GLUD1: variants seen among roughly 807,000 people sequenced by gnomAD.
GLUD1 encodes the protein glutamate dehydrogenase 1, mitochondrial.
Under a neutral mutation model 56.0 loss-of-function variants are expected in GLUD1, and 22 were observed. The ratio of observed to expected loss-of-function variants is 0.39; its 90% CI spans 0.28 to 0.56. GLUD1 has a LOEUF of 0.56. GLUD1 is among the 20% of genes least tolerant of loss of function. The pLI, the probability that GLUD1 is intolerant of heterozygous loss-of-function variation, is 0.58. For missense variants in GLUD1, 451 were observed against 732.0 expected (o/e 0.62, Z 4.43); for synonymous variants, 223 against 269.9 (o/e 0.83, Z 1.70).
chr10:87,079,819 C>T (rs962858577), intron 1 of GLUD1, among the ~76,000 whole-genome samples: 6 of 152,066 alleles, frequency 3.9e-5, no homozygotes, highest in Non-Finnish European at 8.8e-5. Flanking sequence ...ACTTAATAAA[C>T]CTTGGTTTCA....
At position 87,094,778 on chromosome 10, in the gene GLUD1, G is replaced by A. The variant is rs1300670632; in HGVS notation, c.-9C>T. 2 of 1,531,976 alleles carry A rather than the reference G, an allele frequency of 1.3e-6. No homozygotes were observed. The highest frequency in any genetic ancestry group is 1.2e-5 in the South Asian group (1 of 85,534). The allele number at this position is 1,531,976 out of a possible 1,614,324, so 94.9% of individuals were successfully genotyped here. A position where few individuals can be genotyped will look rare whatever the true frequency, so the allele number is the denominator to read the frequency against. On this transcript the variant is annotated 5_prime_UTR_variant, in exon 1 of 13. Transcript: ENST00000277865. This position sits in a 1 kb window ranked among gnomAD's most constrained non-coding sequence, Gnocchi z 6.6. ...CCCAGGTAGCGGTACATGGCCACAA[G>A]CGGAGGGGAGGTGCGTGATGGTCGC...
intron 1 of GLUD1, among the ~76,000 whole-genome samples, chr10:87,077,015 G>T (rs536020030): frequency 2.0e-5 from 3 of 151,852 alleles, no homozygotes; most frequent in South Asian, 2.1e-4. Flanking sequence ...CTTTTTTTTG[G>T]GGGGGTAGGG....
At chr10:87,087,337 ACTCCAGCCAT>A (rs1175937910) in intron 1 of GLUD1, among the ~76,000 whole-genome samples, 1 of 151,756 alleles carries the variant, frequency 6.6e-6, no homozygotes, top group Non-Finnish European at 1.5e-5. Flanking sequence ...CTCTCCCCAT[ACTCCAGCCAT>A]CAGTTAGGGT....
At chr10:87,077,893 G>A (rs906320392) in intron 1 of GLUD1, among the ~76,000 whole-genome samples, 1 of 152,002 alleles carries the variant, frequency 6.6e-6, no homozygotes, top group Non-Finnish European at 1.5e-5. Context: ...GGAGTCACAA[G>A]TAAGTAATGG....
In GLUD1 at chr10:87,060,992, T is replaced by C. The variant is rs1171003660; in HGVS notation, c.982A>G (p.Ile328Val). Reference sequence around the variant, plus strand: ...CTCCCATCAGACTCACCAACAGCAATACATTTAGCACCAAAACGATGTAAA... The same window carrying C: ...CTCCCATCAGACTCACCAACAGCAACACATTTAGCACCAAAACGATGTAAA... The part of the protein sequence containing the change: ...RYLHRFGAKC[I>V]AVGESDGSIW... Residue 328 changes from isoleucine to valine, a missense_variant, in exon 7 of 13, where the codon ATT (isoleucine) becomes GTT (valine). Physicochemically the swap from Ile to Val is conservative, Grantham distance 29. Around this residue, in one of 4 missense-constraint regions of GLUD1, gnomAD observed 248 missense variants for 460.0 expected, o/e 0.54. Transcript: ENST00000277865. 2 of 1,613,926 alleles carry C rather than the reference T, an allele frequency of 1.2e-6. No homozygotes were observed. Among genetic ancestry groups the C allele is most frequent in the Admixed American group, 1.7e-5 (1 of 60,012 alleles).
chr10:87,051,658 G>C lies in GLUD1; in HGVS notation c.*93C>G, dbSNP rs930312036. 1 of 1,361,878 alleles carries C rather than the reference G, an allele frequency of 7.3e-7. No individual in the cohort carries two copies. The highest frequency in any genetic ancestry group is 1.4e-5 in the African/African-American group (1 of 70,180). The allele number at this position is 1,361,878 out of a possible 1,614,324, so 84.4% of individuals were successfully genotyped here. Reference sequence around the variant, plus strand: ...GGTATCCATTATTAATGAGTCAGGAGAGAAAGGGATTTCTGTGGTTACATG... The same window carrying C: ...GGTATCCATTATTAATGAGTCAGGACAGAAAGGGATTTCTGTGGTTACATG... On this transcript the variant is annotated 3_prime_UTR_variant, in exon 13 of 13. Coordinates refer to ENST00000277865, the MANE Select transcript of GLUD1 (RefSeq NM_005271.5).
intron 4 of GLUD1, among the ~76,000 whole-genome samples, chr10:87,071,337 T>C (rs1024896213): frequency 7.3e-5 from 11 of 151,616 alleles, no homozygotes; most frequent in Non-Finnish European, 2.9e-5. Flanking sequence ...GGATTACAGG[T>C]ACCTGCCTGG....
At chr10:87,054,672 C>T (rs1371428686) in intron 11 of GLUD1, among the ~76,000 whole-genome samples, 2 of 152,000 alleles carry the variant, frequency 1.3e-5, no homozygotes, top group East Asian at 3.9e-4. Context: ...AGGAGGTTTG[C>T]TCTACAGGAA....
rs969409641 is a variant in GLUD1, at chr10:87,080,084, C to T, written c.446-3428G>A. Reference sequence around the variant, plus strand: ...TGCCGAGTGCCTGCGATTGCAGGCGCGCGCCGCCACGCCTGACTGGTTTTC... The same window carrying T: ...TGCCGAGTGCCTGCGATTGCAGGCGTGCGCCGCCACGCCTGACTGGTTTTC... On this transcript the variant is annotated intron_variant, in intron 1 of 12. Coordinates refer to ENST00000277865, the MANE Select transcript of GLUD1 (RefSeq NM_005271.5). Among the ~76,000 whole-genome samples the T allele has an allele frequency of 1.6e-3, 242 of 151,888 alleles. 1 individual carries two copies. The highest frequency in any genetic ancestry group is 2.7e-3 in the Non-Finnish European group (185 of 67,920).
At chr10:87,067,876 G>A (rs1367728656) in intron 5 of GLUD1, 187 bp downstream of exon 5, 6 of 589,828 alleles carry the variant, frequency 1.0e-5, no homozygotes, top group Admixed American at 9.2e-5. Context: ...CAGCATATAA[G>A]TAAAGCTCAA....
intron 11 of GLUD1, among the ~76,000 whole-genome samples, chr10:87,056,693 C>T (rs1845784820): frequency 6.6e-6 from 1 of 152,018 alleles, no homozygotes; most frequent in Admixed American, 6.6e-5. Context: ...TGTCATAGCA[C>T]CAAAGGGCAG....
At chr10:87,062,031 C>T (rs1458057697) in intron 6 of GLUD1, among the ~76,000 whole-genome samples, 3 of 152,186 alleles carry the variant, frequency 2.0e-5, no homozygotes, top group Non-Finnish European at 2.9e-5. Flanking sequence ...ATCTGCCCAC[C>T]TTGGCCTCCC....
chr10:87,094,237 T>C lies in GLUD1; in HGVS notation c.445+88A>G, dbSNP rs930432789. 1 of 1,496,650 alleles carries C rather than the reference T, an allele frequency of 6.7e-7. No homozygotes were observed. 92.7% of individuals were successfully genotyped at this position (1,496,650 alleles called of 1,614,324 possible). A position where few individuals can be genotyped will look rare whatever the true frequency, so the allele number is the denominator to read the frequency against. On this transcript the variant is annotated intron_variant, in intron 1 of 12. Coordinates refer to ENST00000277865, the MANE Select transcript of GLUD1 (RefSeq NM_005271.5). The surrounding 1 kb of genome is among the most constrained non-coding windows in gnomAD (Gnocchi z 6.6). ...CCGCTCCAGCTGGGCTGGGCTGGGC[T>C]GAGCAGCGGCCCCGCACCGGCAGGA...
chr10:87,053,421 C>A lies in GLUD1; in HGVS notation c.1495-17G>T, dbSNP rs1389399987. ...AGATGCACCCTATTAGGGAAAAGAA[C>A]ACAAGTTTAACAAAACCACAAAGAC... On this transcript the variant is annotated splice_polypyrimidine_tract_variant and intron_variant, in intron 11 of 12. Transcript: ENST00000277865. 1 of 1,570,000 alleles carries A rather than the reference C, an allele frequency of 6.4e-7. No homozygotes were observed. Among genetic ancestry groups the A allele is most frequent in the Non-Finnish European group, 8.8e-7 (1 of 1,140,002 alleles).
At chr10:87,089,650 CG>C in intron 1 of GLUD1, 1 of 984,812 alleles carries the variant, frequency 1.0e-6, no homozygotes, top group Non-Finnish European at 1.2e-6. Flanking sequence ...TAAAGATAAT[CG>C]GAAGGTCTTG....
intron 11 of GLUD1, among the ~76,000 whole-genome samples, chr10:87,056,136 A>G (rs1341771557): frequency 1.3e-5 from 2 of 150,056 alleles, no homozygotes; most frequent in Non-Finnish European, 3.0e-5. Flanking sequence ...AAAAAAAAAA[A>G]AAAACCAAAA....
intron 4 of GLUD1, among the ~76,000 whole-genome samples, chr10:87,070,011 C>T (rs1846188279): frequency 6.6e-6 from 1 of 152,274 alleles, no homozygotes; most frequent in South Asian, 2.1e-4. Context: ...CCTTTAGTGA[C>T]ATACCTCTGC....
chr10:87,063,490 A>T (rs1845989585), intron 5 of GLUD1, among the ~76,000 whole-genome samples: 1 of 152,194 alleles, frequency 6.6e-6, no homozygotes, highest in Non-Finnish European at 1.5e-5. Context: ...TCCTTCAACA[A>T]GTATTTAAGC....
At chr10:87,085,577 A>G (rs1461674159) in intron 1 of GLUD1, among the ~76,000 whole-genome samples, 1 of 152,192 alleles carries the variant, frequency 6.6e-6, no homozygotes, top group Non-Finnish European at 1.5e-5. Flanking sequence ...AAACGGAAGA[A>G]TACTTTTTTC....
Sources: gnomAD v4.1 joint callset for allele counts (sites outside exome capture counted in the v4.1 genomes callset) on GRCh38, gnomAD v4.1.1 for gene constraint, gnomAD v4.1.1 regional missense constraint, Gnocchi (gnomAD v3.1) non-coding constraint, MANE v1.5 for transcripts, NCBI Gene and HGNC (gene_info 2026-07-23, HGNC 2026-07-21) for gene names.